Variants in IGFL2 observed in about 807,000 individuals in gnomAD.
The protein encoded by IGFL2 is IGF like family member 2.
A neutral mutation model predicts 13.9 loss-of-function variants in IGFL2; 7 were observed. The ratio of observed to expected loss-of-function variants is 0.51; its 90% CI spans 0.29 to 0.95. The LOEUF (loss-of-function observed/expected upper bound fraction) is 0.95, where lower values mean the gene tolerates loss of function less well. IGFL2 is among the 40% of genes least tolerant of loss of function. IGFL2 has a pLI of 0.08. For missense variants in IGFL2, 138 were observed against 147.8 expected, an observed-to-expected ratio of 0.93 and a Z score of 0.34; for synonymous variants, 55 against 55.8, an observed-to-expected ratio of 0.99 and a Z score of 0.07.
chr19:46,085,081 G>A, the IGFL2 span, among the ~76,000 whole-genome samples: 1 of 152,132 alleles, frequency 6.6e-6, no homozygotes, highest in Non-Finnish European at 1.5e-5. Flanking sequence ...CTCCAAAAGG[G>A]AGAAGTTGAC....
At chr19:46,105,076 T>C in the IGFL2 span, among the ~76,000 whole-genome samples, 3 of 152,234 alleles carry the variant, frequency 2.0e-5, no homozygotes, top group African/African-American at 7.2e-5. Context: ...TGGGATCTGA[T>C]GCCTTTTGAT....
At chr19:46,102,404 A>G in the IGFL2 span, among the ~76,000 whole-genome samples, 3 of 152,210 alleles carry the variant, frequency 2.0e-5, no homozygotes, top group Non-Finnish European at 4.4e-5. Context: ...TACAAAGTAT[A>G]TTCTCAAGGA....
the IGFL2 span, among the ~76,000 whole-genome samples, chr19:46,096,260 G>A: frequency 5.3e-5 from 8 of 152,110 alleles, no homozygotes; most frequent in East Asian, 1.5e-3. Context: ...GTATTTCTAG[G>A]TATTTTATTC....
chr19:46,148,368 T>G, intron 1 of IGFL2, 71 bp downstream of exon 1: 1 of 1,289,426 alleles, frequency 7.8e-7, no homozygotes, highest in Non-Finnish European at 1.1e-6. Context: ...AACCTCAAAC[T>G]TAATTCTCTC....
At chr19:46,082,244 A>G in the IGFL2 span, among the ~76,000 whole-genome samples, 5 of 152,272 alleles carry the variant, frequency 3.3e-5, no homozygotes, top group South Asian at 2.1e-4. Context: ...TGTATTTACT[A>G]TTACTACTAT....
At chr19:46,179,583 A>C in the IGFL2 span, 1 of 152,502 alleles carries the variant, frequency 6.6e-6, no homozygotes, top group East Asian at 1.9e-4. Context: ...ATGGAAGAGC[A>C]TTTATGAGGA....
the IGFL2 span, chr19:46,173,610 C>T: frequency 6.6e-6 from 1 of 152,304 alleles, no homozygotes; most frequent in East Asian, 1.9e-4. Context: ...GTCACCAGCT[C>T]TTGCACAAAG....
At chr19:46,136,620 G>C in the IGFL2 span, 4 of 378,696 alleles carry the variant, frequency 1.1e-5, no homozygotes, top group South Asian at 8.7e-5. Flanking sequence ...CTCAGTAACA[G>C]GAGGCTGTTT....
the IGFL2 span, among the ~76,000 whole-genome samples, chr19:46,109,831 C>T: frequency 6.6e-6 from 1 of 152,148 alleles, no homozygotes; most frequent in African/African-American, 2.4e-5. Flanking sequence ...AGGAACAAAT[C>T]ACAATGGTGG....
chr19:46,160,822 G>A lies in IGFL2; in HGVS notation c.282G>A (p.Leu94=). The A allele has an allele frequency of 6.2e-7, 1 of 1,613,980 alleles. No homozygotes were observed. The highest frequency in any genetic ancestry group is 1.1e-5 in the South Asian group (1 of 91,084). Residue 94 remains leucine (L), a synonymous_variant, in exon 3 of 4, where the codon CTG becomes CTA. Coordinates refer to ENST00000377693, the MANE Select transcript of IGFL2 (RefSeq NM_001135113.2). Reference sequence around the variant, plus strand: ...TCACAAACGATTTTGTTGTGAAGCTGAAGGTTCAGGGTGTGAATTCCCAGT... The same window carrying A: ...TCACAAACGATTTTGTTGTGAAGCTAAAGGTTCAGGGTGTGAATTCCCAGT... ...FGLTNDFVVK[L]KVQGVNSQCH...
chr19:46,106,329 A>AAGG, the IGFL2 span, among the ~76,000 whole-genome samples: 1 of 152,132 alleles, frequency 6.6e-6, no homozygotes, highest in African/African-American at 2.4e-5. Flanking sequence ...AGGTTGTCAA[A>AAGG]ATTTTGAATA....
chr19:46,152,601 A>G (rs1004930987), intron 1 of IGFL2, among the ~76,000 whole-genome samples: 3 of 152,152 alleles, frequency 2.0e-5, no homozygotes, highest in Non-Finnish European at 4.4e-5. Context: ...TTTTTAACAT[A>G]CAAAATCATG....
At chr19:46,177,582 G>T in the IGFL2 span, among the ~76,000 whole-genome samples, 7 of 152,088 alleles carry the variant, frequency 4.6e-5, no homozygotes, top group Admixed American at 1.3e-4. Flanking sequence ...AACTCTTGGG[G>T]ACATGGTCCA....
upstream of IGFL2, among the ~76,000 whole-genome samples, chr19:46,139,042 C>T (rs1170090457): frequency 1.3e-5 from 2 of 152,074 alleles, no homozygotes; most frequent in African/African-American, 4.8e-5. Context: ...GGACCTTTTG[C>T]AGCTAGGATT....
chr19:46,205,878 G>T, the IGFL2 span, among the ~76,000 whole-genome samples: 1 of 152,140 alleles, frequency 6.6e-6, no homozygotes, highest in Admixed American at 6.5e-5. Context: ...CTGCCTGTGG[G>T]CTGGGGCTTG....
At chr19:46,199,476 G>A in the IGFL2 span, among the ~76,000 whole-genome samples, 1 of 152,172 alleles carries the variant, frequency 6.6e-6, no homozygotes, top group African/African-American at 2.4e-5. Flanking sequence ...TGTGTGCAAA[G>A]GCTTTTTTGA....
the IGFL2 span, among the ~76,000 whole-genome samples, chr19:46,090,093 A>G: frequency 1.0e-3 from 155 of 152,064 alleles, no homozygotes; most frequent in African/African-American, 3.5e-3. Flanking sequence ...CTTGTCTTCA[A>G]GTTCACAGAT....
At chr19:46,127,560 A>C in the IGFL2 span, among the ~76,000 whole-genome samples, 2 of 152,342 alleles carry the variant, frequency 1.3e-5, no homozygotes, top group East Asian at 3.9e-4. Flanking sequence ...AATGAAAATT[A>C]TCAATCCTCC....
At chr19:46,174,638 A>T in the IGFL2 span, among the ~76,000 whole-genome samples, 126 of 152,288 alleles carry the variant, frequency 8.3e-4, 2 homozygotes, top group Middle Eastern at 0.017. Context: ...GGGCAATAGG[A>T]AAGACGTTTC....
Sources: allele counts gnomAD v4.1 joint callset (sites outside exome capture counted in the v4.1 genomes callset), GRCh38; gene constraint gnomAD v4.1.1; transcripts MANE v1.5; gene names NCBI Gene and HGNC (gene_info 2026-07-23, HGNC 2026-07-21).